FCRLB: variants seen among roughly 807,000 people sequenced by gnomAD.
FCRLB encodes Fc receptor-like B.
Under a neutral mutation model 33.6 loss-of-function variants are expected in FCRLB, and 34 were observed. The ratio of observed to expected loss-of-function variants is 1.01; its 90% confidence interval spans 0.77 to 1.35. FCRLB has a LOEUF of 1.35. Ranked by LOEUF, FCRLB falls within the 40% of genes most tolerant of loss-of-function variation. The pLI is 0.00. For synonymous variants in FCRLB, 280 were observed against 255.9 expected (o/e 1.09, Z -0.90); for missense variants, 560 against 580.2 (o/e 0.97, Z 0.36).
intron 3 of FCRLB, 87 bp downstream of exon 3, chr1:161,722,790 A>G (rs1683414633): frequency 1.9e-6 from 3 of 1,557,570 alleles, no homozygotes. Flanking sequence ...TGGGTATCCA[A>G]TCCTCAGTTT....
intron 5 of FCRLB, among the ~76,000 whole-genome samples, chr1:161,724,421 C>G (rs1683474115): frequency 1.0e-5 from 1 of 96,662 alleles, no homozygotes; most frequent in African/African-American, 4.5e-5. Context: ...GAAACACTCT[C>G]TACTAAAAAA....
rs1476357061 is a variant in FCRLB, at chr1:161,727,070, C to T, written c.865+77C>T. On this transcript the variant is annotated intron_variant, in intron 7 of 7. Transcript: ENST00000367948. ...TCCGCCTCTCGGCACCCACGAATCA[C>T]CCCCGCCCCCTGGTTCCCGTCCCGC... 3.1e-5 allele frequency: 43 copies of T among 1,365,140 alleles called. No individual in the cohort carries two copies. In the Admixed American group the frequency reaches 5.7e-4, roughly 18 times the overall value. 84.6% of individuals were successfully genotyped at this position (1,365,140 alleles called of 1,614,324 possible).
chr1:161,725,298 C>T (rs1411424723), intron 5 of FCRLB, among the ~76,000 whole-genome samples: 2 of 152,186 alleles, frequency 1.3e-5, no homozygotes, highest in African/African-American at 2.4e-5. Flanking sequence ...ATATCTTGCA[C>T]TATGAGGCTG....
chr1:161,727,524 C>T, exon 8 of FCRLB: 2 of 1,614,160 alleles, frequency 1.2e-6, no homozygotes, highest in Non-Finnish European at 1.7e-6. Context: ...TGCAGCTGCT[C>T]AAAGGCCTTC....
chr1:161,723,607 T>G, exon 5 of FCRLB: 2 of 1,613,908 alleles, frequency 1.2e-6, no homozygotes, highest in Non-Finnish European at 8.5e-7. Context: ...CCCATCCACC[T>G]CTCTGTATCC....
exon 8 of FCRLB, chr1:161,727,722 C>T: frequency 6.7e-7 from 1 of 1,493,540 alleles, no homozygotes; most frequent in Non-Finnish European, 8.9e-7. Flanking sequence ...CTTCCCCTCA[C>T]GCGAATTTCT....
At chr1:161,723,765 T>G in intron 5 of FCRLB, 144 bp downstream of exon 5, 2 of 1,273,896 alleles carry the variant, frequency 1.6e-6, no homozygotes, top group Non-Finnish European at 2.1e-6. Context: ...CTGGAGCAGG[T>G]AGGGACCTGC....
At chr1:161,725,725 G>A in intron 5 of FCRLB, 96 bp from the exon 6 acceptor site, 2 of 1,390,616 alleles carry the variant, frequency 1.4e-6, no homozygotes, top group Non-Finnish European at 2.0e-6. Flanking sequence ...GGGAGGGAGA[G>A]GAGTTAAGAG....
At chr1:161,723,663 C>T in intron 5 of FCRLB, 42 bp downstream of exon 5, 1 of 1,592,924 alleles carries the variant, frequency 6.3e-7, no homozygotes. Context: ...CACGTGTCTC[C>T]TCTGGCAATA....
chr1:161,727,197 C>T (rs1274160567), intron 7 of FCRLB, 50 bp from the exon 8 acceptor site: 1 of 1,530,946 alleles, frequency 6.5e-7, no homozygotes, highest in African/African-American at 1.4e-5. Context: ...CAGCCCAGCG[C>T]CGAGAAGAAC....
intron 3 of FCRLB, 99 bp downstream of exon 3, chr1:161,722,802 C>T: frequency 6.5e-7 from 1 of 1,538,174 alleles, no homozygotes; most frequent in Non-Finnish European, 8.9e-7. Context: ...CCTCAGTTTC[C>T]AAGTGGTTCA....
At chr1:161,723,191 T>G (rs1683430266) in intron 4 of FCRLB, among the ~76,000 whole-genome samples, 176 bp from the exon 5 acceptor site, 4 of 152,186 alleles carry the variant, frequency 2.6e-5, no homozygotes, top group African/African-American at 9.7e-5. Context: ...GCTGATGGAC[T>G]GGTAGTCTGT....
intron 3 of FCRLB, 128 bp from the exon 4 acceptor site, chr1:161,722,861 G>A: frequency 2.7e-6 from 4 of 1,498,468 alleles, no homozygotes; most frequent in Non-Finnish European, 3.7e-6. Context: ...TCAGAGCTTG[G>A]GAAACCAGGG....
chr1:161,725,943 G>A, exon 6 of FCRLB: 1 of 1,614,234 alleles, frequency 6.2e-7, no homozygotes, highest in Non-Finnish European at 8.5e-7. Context: ...CGGCCAGGCC[G>A]TGCGCTACTT....
intron 5 of FCRLB, among the ~76,000 whole-genome samples, chr1:161,724,211 C>T (rs1683467362): frequency 6.6e-6 from 1 of 152,124 alleles, no homozygotes; most frequent in Non-Finnish European, 1.5e-5. Flanking sequence ...TATATGTGTA[C>T]ACAGGAGTCA....
intron 5 of FCRLB, among the ~76,000 whole-genome samples, chr1:161,724,351 A>T (rs2101675942): frequency 6.7e-6 from 1 of 148,904 alleles, no homozygotes; most frequent in South Asian, 2.2e-4. Context: ...GCACTTTGGG[A>T]GGCCAAGGCG....
At chr1:161,725,852 A>C (rs1467079643) in exon 6 of FCRLB, 10 of 1,613,208 alleles carry the variant, frequency 6.2e-6, no homozygotes, top group Non-Finnish European at 7.6e-6. Flanking sequence ...CCTATGCGCC[A>C]GTGTTCGAGG....
At chr1:161,725,591 G>C (rs1847382) in intron 5 of FCRLB, among the ~76,000 whole-genome samples, 66,085 of 151,988 alleles carry the variant, frequency 0.43, 16,568 homozygotes, top group Non-Finnish European at 0.57. Flanking sequence ...GCAGTGAACC[G>C]AGTTTGTGCC....
Position 161,726,654 on chromosome 1 carries a change from C to A in FCRLB, c.575-49C>A, listed in dbSNP as rs954720195. 1.9e-6 allele frequency: 3 copies of A among 1,552,314 alleles called. No homozygotes were observed. The highest frequency in any genetic ancestry group is 2.6e-6 in the Non-Finnish European group (3 of 1,156,246). ...CGCGGGAAGCAGGAAGGAGCGGGGT[C>A]GCGGAGCGGTGGACAAGCCGGCGCC... On this transcript the variant is annotated intron_variant, in intron 6 of 7. Coordinates refer to ENST00000367948, the Ensembl canonical transcript of FCRLB. The surrounding 1 kb of genome is among the most constrained non-coding windows in gnomAD (Gnocchi z 5.2).
Sources: gnomAD v4.1 joint callset for allele counts (sites outside exome capture counted in the v4.1 genomes callset) on GRCh38, gnomAD v4.1.1 for gene constraint, Gnocchi (gnomAD v3.1) non-coding constraint, MANE v1.5 for transcripts, NCBI Gene and HGNC (gene_info 2026-07-23, HGNC 2026-07-21) for gene names.